The following RBM39 variants were observed in gnomAD, a reference collection of about 807,000 sequenced individuals.
RBM39 encodes the protein RNA-binding protein 39.
In RBM39, 12 loss-of-function variants were observed where a neutral mutation model predicts 79.6. The observed-to-expected ratio is 0.15, with a 90% CI of 0.10 to 0.24. The LOEUF (loss-of-function observed/expected upper bound fraction) is 0.24. Ranked by LOEUF, RBM39 falls within the 10% of genes least tolerant of loss-of-function variation. The pLI is 1.00. For synonymous variants in RBM39, 185 were observed against 208.4 expected, an observed-to-expected ratio of 0.89 and a Z score of 0.97; for missense variants, 243 against 653.4, an observed-to-expected ratio of 0.37 and a Z score of 6.85.
intron 9 of RBM39, among the ~76,000 whole-genome samples, chr20:35,719,549 A>G (rs573098707): frequency 1.3e-5 from 2 of 151,994 alleles, no homozygotes; most frequent in South Asian, 2.1e-4. Context: ...TTGTGGTCAG[A>G]GCCTGTAATC....
intron 4 of RBM39, among the ~76,000 whole-genome samples, chr20:35,730,136 T>C (rs929694001): frequency 6.6e-6 from 1 of 152,218 alleles, no homozygotes; most frequent in Non-Finnish European, 1.5e-5. Flanking sequence ...AGTTGTTTGT[T>C]GCAAAAATAT....
intron 10 of RBM39, among the ~76,000 whole-genome samples, chr20:35,715,767 G>A (rs1482516784): frequency 1.3e-5 from 2 of 152,158 alleles, no homozygotes; most frequent in Non-Finnish European, 2.9e-5. Context: ...TGTGGAAAGT[G>A]TGACTTGGCA....
chr20:35,712,612 A>G (rs1407540119), intron 12 of RBM39, among the ~76,000 whole-genome samples: 1 of 151,976 alleles, frequency 6.6e-6, no homozygotes, highest in East Asian at 1.9e-4. Context: ...TATGTACTAT[A>G]AAGAAAAATA....
At position 35,714,276 on chromosome 20, in the gene RBM39, A is replaced by C. The variant is rs1305636078; in HGVS notation, c.1005T>G (p.Ala335=). 3.7e-6 allele frequency: 6 copies of C among 1,614,114 alleles called. No homozygotes were observed. Among genetic ancestry groups the C allele is most frequent in the Non-Finnish European group, 5.1e-6 (6 of 1,179,988 alleles). The change falls in exon 11 of 17, where the codon GCT becomes GCG. Residue 335 remains alanine (A), a synonymous_variant. Transcript: ENST00000253363. ...HVTERTDASS[A]SSFLDSDELE... is the part of the protein sequence containing the mutation. Reference sequence around the variant, plus strand: ...GTTCATCACTGTCCAAAAATGAACTAGCACTCGAAGCATCAGTACGTTCAG... The same window carrying C: ...GTTCATCACTGTCCAAAAATGAACTCGCACTCGAAGCATCAGTACGTTCAG...
chr20:35,703,456 A>T lies in RBM39; in HGVS notation c.*1025T>A, dbSNP rs184026929. ...AATACACAGGGCTAGACTCTAATAGAATAAAGGAATTCATGGGGGACAACG... is the reference window on the plus strand; with the variant it reads ...AATACACAGGGCTAGACTCTAATAGTATAAAGGAATTCATGGGGGACAACG... On this transcript the variant is annotated 3_prime_UTR_variant, in exon 17 of 17. Coordinates refer to ENST00000253363, the MANE Select transcript of RBM39 (RefSeq NM_184234.3). 2 of 152,306 alleles carry T rather than the reference A, an allele frequency of 1.3e-5. No homozygotes were observed. Among genetic ancestry groups the T allele is most frequent in the Admixed American group, 1.3e-4 (2 of 15,296 alleles). 9.4% of individuals were successfully genotyped at this position (152,306 alleles called of 1,614,324 possible). A position where few individuals can be genotyped will look rare whatever the true frequency, so the allele number is the denominator to read the frequency against.
intron 13 of RBM39, chr20:35,707,634 T>C (rs1277737297): frequency 5.4e-6 from 1 of 185,598 alleles, no homozygotes; most frequent in Non-Finnish European, 1.1e-5. Flanking sequence ...CCCACGAAGT[T>C]TTTTAAATCT....
chr20:35,707,027 T>TAAAAAAAAAAAAAAAAAAAA (rs58614202), intron 14 of RBM39, 93 bp downstream of exon 14: 1 of 147,056 alleles, frequency 6.8e-6, no homozygotes, highest in Non-Finnish European at 1.2e-5. Flanking sequence ...AACTCCATCT[T>TAAAAAAAAAAAAAAAAAAAA]AAAAAAAAAA....
chr20:35,706,931 G>A (rs569390255), intron 14 of RBM39, among the ~76,000 whole-genome samples, 189 bp downstream of exon 14: 3 of 149,988 alleles, frequency 2.0e-5, no homozygotes, highest in Admixed American at 1.3e-4. Context: ...GAAGGCTGAG[G>A]CAGGAGAATC....
Position 35,729,360 on chromosome 20 carries a change from C to G in RBM39, c.368G>C (p.Arg123Pro). 1 of 1,606,068 alleles carries G rather than the reference C, an allele frequency of 6.2e-7. No homozygotes were observed. ...GLPHSIKLSR[R>P]RSRSKSPFRK... ...GAATGGACTTTTGCTTCGGGAACGT[C>G]GTCTGCTGCAAAGTTAAAAAGTTTC... is the stretch of plus-strand genomic sequence containing the variant. Residue 123 changes from arginine to proline, a missense_variant, in exon 6 of 17, where the codon CGA (arginine) becomes CCA (proline). Arg to Pro is a moderately radical substitution (Grantham distance 103). This residue lies in a region of RBM39 where 115 missense variants were observed against 184.1 expected (regional missense o/e 0.62). Coordinates refer to ENST00000253363, the MANE Select transcript of RBM39 (RefSeq NM_184234.3).
At chr20:35,740,999 G>C (rs774269096) in intron 1 of RBM39, 112 bp from the exon 2 acceptor site, 3 of 286,568 alleles carry the variant, frequency 1.0e-5, no homozygotes, top group Non-Finnish European at 2.1e-5. Flanking sequence ...CCTAGGAAAA[G>C]AACAAGACGA....
chr20:35,713,664 CA>C (rs1569002799), intron 11 of RBM39: 1 of 41,292 alleles, frequency 2.4e-5, no homozygotes, highest in Non-Finnish European at 4.2e-5. Context: ...AACCAACCAA[CA>C]CAAAAAAAAA....
At chr20:35,708,104 T>G (rs2035966781) in intron 13 of RBM39, 1 of 220,632 alleles carries the variant, frequency 4.5e-6, no homozygotes, top group Admixed American at 5.8e-5. Context: ...ATATCATAAA[T>G]GATAACTTTC....
At chr20:35,719,329 G>C (rs1344835769) in intron 9 of RBM39, among the ~76,000 whole-genome samples, 1 of 152,154 alleles carries the variant, frequency 6.6e-6, no homozygotes, top group African/African-American at 2.4e-5. Flanking sequence ...ACTGTGCCTG[G>C]CCCATACTCA....
chr20:35,716,921 T>C lies in RBM39; in HGVS notation c.826-116A>G. On this transcript the variant is annotated intron_variant, in intron 9 of 16. Coordinates refer to ENST00000253363, the MANE Select transcript of RBM39 (RefSeq NM_184234.3). ...TCCTCATCCTCCAAAATAGAAGACT[T>C]ATCACAAAACCTCATCACCAAGAAG... 3.1e-6 allele frequency: 2 copies of C among 648,636 alleles called. 1 individual carries two copies. The highest frequency in any genetic ancestry group is 4.1e-5 in the South Asian group (2 of 48,660). 40.2% of individuals were successfully genotyped at this position (648,636 alleles called of 1,614,324 possible). A position where few individuals can be genotyped will look rare whatever the true frequency, so the allele number is the denominator to read the frequency against.
intron 10 of RBM39, among the ~76,000 whole-genome samples, chr20:35,715,523 T>C (rs1054130276): frequency 1.3e-5 from 2 of 152,248 alleles, no homozygotes; most frequent in South Asian, 2.1e-4. Context: ...GTGAGGTATG[T>C]ACATTAAAAA....
chr20:35,740,924 TTC>T (rs2040429914), intron 1 of RBM39, 37 bp from the exon 2 acceptor site: 1 of 1,486,686 alleles, frequency 6.7e-7, no homozygotes, highest in South Asian at 1.2e-5. Flanking sequence ...GAGTAAACAT[TTC>T]TCTTACAATG....
At chr20:35,705,382 A>G (rs757120752) in intron 14 of RBM39, 52 bp from the exon 15 acceptor site, 39 of 980,720 alleles carry the variant, frequency 4.0e-5, no homozygotes, top group East Asian at 2.7e-4. Flanking sequence ...AACAAACTAT[A>G]TATTTACAAA....
chr20:35,724,193 G>A lies in RBM39; in HGVS notation c.687+377C>T, dbSNP rs569905973. On this transcript the variant is annotated intron_variant, in intron 8 of 16. Coordinates refer to ENST00000253363, the MANE Select transcript of RBM39 (RefSeq NM_184234.3). The stretch of plus-strand genomic sequence containing the variant: ...CTAAAAACACAAAAAGTAGCCGAAC[G>A]TGGTGGCAGGCTCCTGTAATCCCAG... Among the ~76,000 whole-genome samples, 10 of 152,122 alleles carry A rather than the reference G, an allele frequency of 6.6e-5. No individual in the cohort carries two copies. The East Asian group carries it at 9.7e-4, about 15-fold the overall frequency.
chr20:35,727,401 C>CAAAA (rs145051301), intron 6 of RBM39, among the ~76,000 whole-genome samples: 2,950 of 108,700 alleles, frequency 0.027, 76 homozygotes, highest in African/African-American at 0.081. Context: ...CCGGGGGTCT[C>CAAAA]AAAAAAAAAA....
Sources: allele counts gnomAD v4.1 joint callset (sites outside exome capture counted in the v4.1 genomes callset), GRCh38; gene constraint gnomAD v4.1.1; regional missense constraint gnomAD v4.1.1; transcripts MANE v1.5; gene names NCBI Gene and HGNC (gene_info 2026-07-23, HGNC 2026-07-21).